CACNG4: variants seen among roughly 807,000 people sequenced by gnomAD.
CACNG4 encodes voltage-dependent calcium channel gamma-4 subunit.
Under a neutral mutation model 22.9 loss-of-function variants are expected in CACNG4, and 8 were observed. The observed-to-expected ratio is 0.35, with a 90% confidence interval of 0.21 to 0.63. CACNG4 has a LOEUF of 0.63. CACNG4 is among the 30% of genes least tolerant of loss of function. The probability of loss-of-function intolerance (pLI) is 0.72; values close to 1 mark genes in which losing one functional copy is unlikely to be tolerated. For synonymous variants in CACNG4, 188 were observed against 191.9 expected (o/e 0.98, Z 0.17); for missense variants, 357 against 455.4 (o/e 0.78, Z 1.97).
chr17:67,024,567 T>C (rs2035551735), intron 2 of CACNG4, among the ~76,000 whole-genome samples: 1 of 152,220 alleles, frequency 6.6e-6, no homozygotes, highest in South Asian at 2.1e-4. Flanking sequence ...GTTGCTTTCA[T>C]GGCTGTTACT....
chr17:67,005,127 T>G (rs2035430070), intron 1 of CACNG4, among the ~76,000 whole-genome samples: 1 of 152,190 alleles, frequency 6.6e-6, no homozygotes, highest in African/African-American at 2.4e-5. Context: ...CCTCCATATC[T>G]GGCATCCTGG....
At chr17:67,008,748 C>A (rs1405450336) in intron 1 of CACNG4, among the ~76,000 whole-genome samples, 1 of 152,056 alleles carries the variant, frequency 6.6e-6, no homozygotes, top group Non-Finnish European at 1.5e-5. Flanking sequence ...AGGAGTTCGA[C>A]ACCAGCCTGG....
rs142315644 is a variant in CACNG4 at position 67,024,134 on chromosome 17, C to T, written c.305-726C>T. Among the ~76,000 whole-genome samples the T allele has an allele frequency of 2.4e-4, 36 of 152,328 alleles. 1 individual carries two copies. The East Asian group carries it at 6.2e-3, about 26-fold the overall frequency. ...CACTGTGGGTCACGAGCATCCCTCT[C>T]GGCCCAGCCACACCTCCCCTGCGAC... On this transcript the variant is annotated intron_variant, in intron 2 of 3. Transcript: ENST00000262138.
At chr17:66,973,506 G>A (rs1010161463) in intron 1 of CACNG4, among the ~76,000 whole-genome samples, 2 of 152,230 alleles carry the variant, frequency 1.3e-5, no homozygotes, top group African/African-American at 4.8e-5. Context: ...GAAAGTGGCT[G>A]TGGGGCTGCC....
intron 1 of CACNG4, among the ~76,000 whole-genome samples, chr17:67,004,202 A>G (rs1177998252): frequency 6.6e-6 from 1 of 152,264 alleles, no homozygotes; most frequent in African/African-American, 2.4e-5. Context: ...GCAGTTATCC[A>G]GTAGATGCAA....
chr17:67,032,658 G>A lies in CACNG4; in HGVS notation c.*1654G>A, dbSNP rs902957954. Reference sequence around the variant, plus strand: ...CCAGCTGACTGTCGCCGTGTGCTGGGGATCTGAAATGAGGCCTGCCAGGGC... The same window carrying A: ...CCAGCTGACTGTCGCCGTGTGCTGGAGATCTGAAATGAGGCCTGCCAGGGC... On this transcript the variant is annotated 3_prime_UTR_variant, in exon 4 of 4. Transcript: ENST00000262138. 1 of 154,708 alleles carries A rather than the reference G, an allele frequency of 6.5e-6. No individual in the cohort carries two copies. The allele number at this position is 154,708 out of a possible 1,614,324, so 9.6% of individuals were successfully genotyped here.
rs542645872 is a variant in CACNG4, at chr17:66,981,274, G to A, written c.220+16143G>A. ...CTCCAGCTGAGATTCCCAGTACTAG[G>A]ACTACAAAATTATCCCTCAGTTCTA... On this transcript the variant is annotated intron_variant, in intron 1 of 3. Transcript: ENST00000262138. 9.2e-5 allele frequency among the ~76,000 whole-genome samples: 14 copies of A among 152,310 alleles called. No homozygotes were observed. In the South Asian group the frequency reaches 1.2e-3, roughly 14 times the overall value.
At chr17:66,992,164 G>GC (rs904651614) in intron 1 of CACNG4, among the ~76,000 whole-genome samples, 1 of 151,952 alleles carries the variant, frequency 6.6e-6, no homozygotes, top group Admixed American at 6.6e-5. Context: ...AGCTCCTGGG[G>GC]GGGGGGGGCT....
At chr17:66,990,455 G>T (rs1034134643) in intron 1 of CACNG4, among the ~76,000 whole-genome samples, 2 of 152,148 alleles carry the variant, frequency 1.3e-5, no homozygotes, top group Non-Finnish European at 2.9e-5. Context: ...ATGTTATACA[G>T]GGGCACACAG....
chr17:66,985,327 C>T (rs775451037), intron 1 of CACNG4, among the ~76,000 whole-genome samples: 11 of 152,196 alleles, frequency 7.2e-5, no homozygotes, highest in Non-Finnish European at 1.5e-4. Flanking sequence ...ACTGCTCAAG[C>T]AGCATTCGAA....
In CACNG4 at chr17:66,965,179, CACACACAT is replaced by C. The variant is rs771921444; in HGVS notation, c.220+50_220+57del. ...GCCGCCCCACACACACACACACACA[CACACACAT>C]ATACACACGCGCGCGCGCGCGCGCG... On this transcript the variant is annotated intron_variant, in intron 1 of 3. Transcript: ENST00000262138. 5,001 of 1,109,464 alleles carry C rather than the reference CACACACAT, an allele frequency of 4.5e-3. 151 individuals are homozygous for C. In the African/African-American group the frequency reaches 0.069, roughly 15 times the overall value. The allele number at this position is 1,109,464 out of a possible 1,614,324, so 68.7% of individuals were successfully genotyped here.
At chr17:67,014,915 C>T (rs7211825) in intron 1 of CACNG4, among the ~76,000 whole-genome samples, 3,851 of 143,776 alleles carry the variant, frequency 0.027, 171 homozygotes, top group African/African-American at 0.097. Flanking sequence ...CCAGCCTGGG[C>T]GACAGAGCGA....
In CACNG4 at chr17:67,031,687, G is replaced by A; in HGVS notation, c.*683G>A. ...GGAGGAGGCCCAGGTAAAGGCTGGG[G>A]GCTGTTGCTGGCTATCCTCTTTGCT... On this transcript the variant is annotated 3_prime_UTR_variant, in exon 4 of 4. Coordinates refer to ENST00000262138, the MANE Select transcript of CACNG4 (RefSeq NM_014405.4). This position sits in a 1 kb window ranked among gnomAD's most constrained non-coding sequence, Gnocchi z 4.0. 2.2e-6 allele frequency: 1 copy of A among 456,762 alleles called. No homozygotes were observed. The highest frequency in any genetic ancestry group is 4.4e-6 in the Non-Finnish European group (1 of 226,982). 28.3% of individuals were successfully genotyped at this position (456,762 alleles called of 1,614,324 possible). A position where few individuals can be genotyped will look rare whatever the true frequency, so the allele number is the denominator to read the frequency against.
At chr17:66,982,203 G>A (rs1340556422) in intron 1 of CACNG4, among the ~76,000 whole-genome samples, 1 of 152,232 alleles carries the variant, frequency 6.6e-6, no homozygotes, top group African/African-American at 2.4e-5. Flanking sequence ...GCCGCTGCTG[G>A]CTAGGGTGGC....
intron 1 of CACNG4, among the ~76,000 whole-genome samples, chr17:66,985,648 T>G (rs2035301205): frequency 6.6e-6 from 1 of 152,164 alleles, no homozygotes; most frequent in African/African-American, 2.4e-5. Flanking sequence ...ACACATGCAG[T>G]CTCCTATTCA....
chr17:66,966,052 A>G (rs1044292789), intron 1 of CACNG4, among the ~76,000 whole-genome samples: 3 of 152,142 alleles, frequency 2.0e-5, no homozygotes, highest in Non-Finnish European at 4.4e-5. Context: ...CTGGAGGCTG[A>G]GTAGTAGGTG....
In CACNG4 at chr17:66,964,862, G is replaced by A. The variant is rs1430794264; in HGVS notation, c.-50G>A. On this transcript the variant is annotated 5_prime_UTR_variant, in exon 1 of 4. Coordinates refer to ENST00000262138, the MANE Select transcript of CACNG4 (RefSeq NM_014405.4). The stretch of plus-strand genomic sequence containing the variant: ...GCGGCGCGCGGAGGGAGGAGGGCGG[G>A]CGGGCGCGGCGGGCCGGGCCGGCGG... 1.7e-6 allele frequency: 2 copies of A among 1,184,292 alleles called. No homozygotes were observed. Among genetic ancestry groups the A allele is most frequent in the Non-Finnish European group, 2.1e-6 (2 of 940,218 alleles). The allele number at this position is 1,184,292 out of a possible 1,614,324, so 73.4% of individuals were successfully genotyped here.
At chr17:67,026,878 CCTTCCCTT>C (rs1221960945) in intron 3 of CACNG4, among the ~76,000 whole-genome samples, 1 of 151,506 alleles carries the variant, frequency 6.6e-6, no homozygotes, top group East Asian at 1.9e-4. Context: ...GTCCCCCCGC[CCTTCCCTT>C]CTTCCCCCCA....
At chr17:67,010,618 G>C (rs2035462826) in intron 1 of CACNG4, among the ~76,000 whole-genome samples, 2 of 152,280 alleles carry the variant, frequency 1.3e-5, no homozygotes, top group African/African-American at 4.8e-5. Context: ...CATGAGGACA[G>C]AGCTCTTTCA....
Sources: allele counts gnomAD v4.1 joint callset (sites outside exome capture counted in the v4.1 genomes callset), GRCh38; gene constraint gnomAD v4.1.1; non-coding constraint Gnocchi (gnomAD v3.1); transcripts MANE v1.5; gene names NCBI Gene and HGNC (gene_info 2026-07-23, HGNC 2026-07-21).